DNASE2: variants seen among roughly 807,000 people sequenced by gnomAD.
DNASE2 encodes the protein deoxyribonuclease-2-alpha.
DNASE2 carries 26 observed loss-of-function variants against 29.8 expected under a neutral mutation model. The observed-to-expected ratio is 0.87, with a 90% CI of 0.64 to 1.21. The LOEUF is 1.21. Ranked by LOEUF, DNASE2 falls within the 50% of genes most tolerant of loss-of-function variation. The pLI, the probability that DNASE2 is intolerant of heterozygous loss-of-function variation, is 0.00. For synonymous variants in DNASE2, 186 were observed against 193.5 expected (o/e 0.96, Z 0.32); for missense variants, 415 against 455.6 (o/e 0.91, Z 0.81).
chr19:12,880,380 G>C (rs916917599), intron 3 of DNASE2, among the ~76,000 whole-genome samples: 2 of 151,942 alleles, frequency 1.3e-5, no homozygotes, highest in South Asian at 2.1e-4. Context: ...GGCTGGGCAG[G>C]GTGGCTCATT....
intron 5 of DNASE2, 160 bp downstream of exon 5, chr19:12,878,222 C>T (rs975250881): frequency 1.0e-5 from 9 of 882,320 alleles, no homozygotes; most frequent in African/African-American, 1.7e-5. Flanking sequence ...ATACATCACA[C>T]AGCAAAACCC....
intron 1 of DNASE2, 67 bp downstream of exon 1, chr19:12,881,222 TA>T: frequency 1.9e-6 from 3 of 1,609,254 alleles, no homozygotes; most frequent in South Asian, 2.2e-5. Context: ...CCCGAGGAGG[TA>T]GCCATCCCGG....
Position 12,880,899 on chromosome 19 carries a change from A to T in DNASE2, c.268-19T>A. On this transcript the variant is annotated intron_variant, in intron 2 of 5. Transcript: ENST00000222219. Reference sequence around the variant, plus strand: ...AGGCGAGCTGCGGGCGGATAAACGGAGGCAACGTGAAATTCCTCCCAGGCA... The same window carrying T: ...AGGCGAGCTGCGGGCGGATAAACGGTGGCAACGTGAAATTCCTCCCAGGCA... 2 of 1,614,148 alleles carry T rather than the reference A, an allele frequency of 1.2e-6. No homozygotes were observed. Among genetic ancestry groups the T allele is most frequent in the Non-Finnish European group, 8.5e-7 (1 of 1,180,020 alleles).
At position 12,876,160 on chromosome 19, in the gene DNASE2, G is replaced by A; in HGVS notation, c.913C>T (p.Pro305Ser). ...HSKWCVSPKG[P>S]WTCVGDMNRN... The stretch of plus-strand genomic sequence containing the variant: ...TTCATGTCACCCACGCAGGTCCAGG[G>A]CCCTTTTGGGGACACGCACCATTTG... Residue 305 changes from proline to serine, a missense_variant, in exon 6 of 6, where the codon CCC (proline) becomes TCC (serine). Coordinates refer to ENST00000222219, the MANE Select transcript of DNASE2 (RefSeq NM_001375.3). 1 of 1,614,222 alleles carries A rather than the reference G, an allele frequency of 6.2e-7. No homozygotes were observed. The highest frequency in any genetic ancestry group is 8.5e-7 in the Non-Finnish European group (1 of 1,180,042).
chr19:12,881,257 G>A (rs376840676), intron 1 of DNASE2, 33 bp downstream of exon 1: 71 of 1,592,408 alleles, frequency 4.5e-5, no homozygotes, highest in Non-Finnish European at 2.1e-5. Context: ...GCCGGACCCC[G>A]GGGCGATGGT....
At chr19:12,880,633 G>A (rs1970368759) in intron 3 of DNASE2, among the ~76,000 whole-genome samples, 169 bp downstream of exon 3, 1 of 151,850 alleles carries the variant, frequency 6.6e-6, no homozygotes, top group Non-Finnish European at 1.5e-5. Context: ...TCCAGCTTGG[G>A]TGACAGAGCG....
chr19:12,878,107 C>T (rs1267252832), intron 5 of DNASE2: 1 of 463,522 alleles, frequency 2.2e-6, no homozygotes, highest in African/African-American at 2.0e-5. Flanking sequence ...GAGGCACCAC[C>T]TCTGGCACCC....
chr19:12,880,495 T>G (rs1287409134), intron 3 of DNASE2, among the ~76,000 whole-genome samples: 1 of 151,696 alleles, frequency 6.6e-6, no homozygotes, highest in Non-Finnish European at 1.5e-5. Context: ...TCGTCTGTAC[T>G]AAAAATATGA....
At chr19:12,880,734 T>A in intron 3 of DNASE2, 68 bp downstream of exon 3, 1 of 1,588,016 alleles carries the variant, frequency 6.3e-7, no homozygotes, top group Non-Finnish European at 8.6e-7. Context: ...GACCACCCCA[T>A]GCACGTCAGG....
rs1276685751 is a variant in DNASE2 at position 12,878,741 on chromosome 19, G to A, written c.440C>T (p.Pro147Leu). Residue 147 changes from proline (P) to leucine (L), a missense_variant, in exon 4 of 6, where the codon CCT (proline) becomes CTT (leucine). By Grantham distance (98) the Pro-to-Leu change is moderately conservative. Coordinates refer to ENST00000222219, the MANE Select transcript of DNASE2 (RefSeq NM_001375.3). ...PPASSAAYSW[P>L]HSACTYGQTL... ...CTGCCCGTAGGTACAGGCGCTATGA[G>A]GCCAGCTGTATGCAGCAGAGGAGGC... 2 of 1,614,100 alleles carry A rather than the reference G, an allele frequency of 1.2e-6. No homozygotes were observed. Among genetic ancestry groups the A allele is most frequent in the East Asian group, 2.2e-5 (1 of 44,880 alleles).
rs1970348556 is a variant in DNASE2, at chr19:12,878,934, G to C, written c.347-100C>G. The stretch of plus-strand genomic sequence containing the variant: ...GAGACACACAGATCACCTGAGGTCA[G>C]GAGTTAGAAATCAGCCTGGCCAACA... On this transcript the variant is annotated intron_variant, in intron 3 of 5. Coordinates refer to ENST00000222219, the MANE Select transcript of DNASE2 (RefSeq NM_001375.3). 2.8e-6 allele frequency: 4 copies of C among 1,442,474 alleles called. No homozygotes were observed. The Admixed American group carries it at 5.9e-5, about 21-fold the overall frequency. 89.4% of individuals were successfully genotyped at this position (1,442,474 alleles called of 1,614,324 possible).
intron 3 of DNASE2, among the ~76,000 whole-genome samples, chr19:12,880,433 C>CT (rs1970366439): frequency 1.3e-5 from 2 of 152,082 alleles, no homozygotes; most frequent in South Asian, 4.2e-4. Flanking sequence ...GGGTAGATCA[C>CT]TTGAGGTAGA....
At position 12,881,055 on chromosome 19, in the gene DNASE2, G is replaced by A; in HGVS notation, c.184C>T (p.Arg62Trp). The change falls in exon 2 of 6, where the codon CGG becomes TGG. Residue 62 changes from arginine (R) to tryptophan (W), a missense_variant. By Grantham distance (101) the Arg-to-Trp change is moderately radical. Coordinates refer to ENST00000222219, the MANE Select transcript of DNASE2 (RefSeq NM_001375.3). ...CTGTTGATGAGTGCCCTGCCGTCCC[G>A]CCAGCCTCCGGAGCTCTCGTCCAGA... ...KYLDESSGGW[R>W]DGRALINSPE... 1 of 1,612,972 alleles carries A rather than the reference G, an allele frequency of 6.2e-7. No individual in the cohort carries two copies. Among genetic ancestry groups the A allele is most frequent in the South Asian group, 1.1e-5 (1 of 91,084 alleles).
intron 3 of DNASE2, among the ~76,000 whole-genome samples, 167 bp downstream of exon 3, chr19:12,880,635 G>C (rs1416404566): frequency 6.6e-6 from 1 of 151,858 alleles, no homozygotes. Flanking sequence ...CAGCTTGGGT[G>C]ACAGAGCGAA....
chr19:12,881,169 G>A lies in DNASE2; in HGVS notation c.87-17C>T. ...ACCACGAACCTGGAGGTCGGAGAAT[G>A]CACAGAAATAGGAGAGAGGGAAGAG... is the stretch of plus-strand genomic sequence containing the variant. On this transcript the variant is annotated splice_polypyrimidine_tract_variant and intron_variant, in intron 1 of 5. Coordinates refer to ENST00000222219, the MANE Select transcript of DNASE2 (RefSeq NM_001375.3). 6.2e-7 allele frequency: 1 copy of A among 1,611,702 alleles called. No homozygotes were observed. The highest frequency in any genetic ancestry group is 8.5e-7 in the Non-Finnish European group (1 of 1,179,984).
intron 3 of DNASE2, 149 bp downstream of exon 3, chr19:12,880,653 C>T (rs1172072695): frequency 3.9e-6 from 4 of 1,031,796 alleles, no homozygotes; most frequent in South Asian, 1.5e-5. Context: ...GAACTCCCAC[C>T]GTCTCAAAAA....
chr19:12,879,759 CA>C, intron 3 of DNASE2, among the ~76,000 whole-genome samples: 1 of 152,092 alleles, frequency 6.6e-6, no homozygotes, highest in Non-Finnish European at 1.5e-5. Flanking sequence ...TTGCTTGAAC[CA>C]GGACTTAGAG....
rs372481695 is a variant in DNASE2, at chr19:12,880,897, G to C, written c.268-17C>G. The C allele has an allele frequency of 2.5e-6, 4 of 1,614,074 alleles. No individual in the cohort carries two copies. Among genetic ancestry groups the C allele is most frequent in the African/African-American group, 2.7e-5 (2 of 74,916 alleles). On this transcript the variant is annotated splice_polypyrimidine_tract_variant and intron_variant, in intron 2 of 5. Coordinates refer to ENST00000222219, the MANE Select transcript of DNASE2 (RefSeq NM_001375.3). ...GAAGGCGAGCTGCGGGCGGATAAAC[G>C]GAGGCAACGTGAAATTCCTCCCAGG...
At chr19:12,878,163 G>T in intron 5 of DNASE2, 1 of 602,262 alleles carries the variant, frequency 1.7e-6, no homozygotes, top group South Asian at 1.9e-5. Context: ...TTAAGTAGAT[G>T]TCAGTATCCC....
Sources: allele counts gnomAD v4.1 joint callset (sites outside exome capture counted in the v4.1 genomes callset), GRCh38; gene constraint gnomAD v4.1.1; transcripts MANE v1.5; gene names NCBI Gene and HGNC (gene_info 2026-07-23, HGNC 2026-07-21).